MAN1A1: variants seen among roughly 807,000 people sequenced by gnomAD.
MAN1A1 encodes mannosyl-oligosaccharide 1,2-alpha-mannosidase IA.
MAN1A1 carries 29 observed loss-of-function variants against 70.8 expected under a neutral mutation model. The ratio of observed to expected loss-of-function variants is 0.41; its 90% confidence interval spans 0.31 to 0.56. MAN1A1 has a LOEUF of 0.56. Among genes scored for constraint, MAN1A1 ranks in the 20% least tolerant of loss-of-function variants. MAN1A1 has a pLI of 0.29. For missense variants in MAN1A1, 747 were observed against 841.3 expected (o/e 0.89, Z 1.39); for synonymous variants, 349 against 330.1 (o/e 1.06, Z -0.62).
intron 4 of MAN1A1, among the ~76,000 whole-genome samples, chr6:119,299,154 A>T (rs1373990375): frequency 2.0e-5 from 3 of 152,112 alleles, no homozygotes; most frequent in African/African-American, 7.2e-5. Context: ...ATGGGTGAAT[A>T]TAAGACAAAT....
intron 5 of MAN1A1, among the ~76,000 whole-genome samples, chr6:119,273,876 C>T (rs1305594032): frequency 6.6e-6 from 1 of 152,226 alleles, no homozygotes; most frequent in Admixed American, 6.5e-5. Flanking sequence ...TGGGTAAATG[C>T]TGATTCAGCA....
rs573074629 is a variant in MAN1A1, at chr6:119,312,781, T to C, written c.604-5789A>G. On this transcript the variant is annotated intron_variant, in intron 2 of 12. Transcript: ENST00000368468. Reference sequence around the variant, plus strand: ...ATTTTAACAAATGCACCACTGTGGGTTGAGGTGCTGAGACTGCGAGGTTGT... The same window carrying C: ...ATTTTAACAAATGCACCACTGTGGGCTGAGGTGCTGAGACTGCGAGGTTGT... 2.0e-4 allele frequency among the ~76,000 whole-genome samples: 30 copies of C among 152,272 alleles called. 1 individual carries two copies. The Middle Eastern group carries it at 0.02, about 104-fold the overall frequency.
chr6:119,195,187 G>GC (rs1773537273), intron 8 of MAN1A1, among the ~76,000 whole-genome samples: 1 of 152,062 alleles, frequency 6.6e-6, no homozygotes, highest in South Asian at 2.1e-4. Flanking sequence ...TGCCAGAATA[G>GC]CCCTCTTAAT....
chr6:119,195,285 G>T (rs183208428), intron 8 of MAN1A1, among the ~76,000 whole-genome samples: 1 of 152,154 alleles, frequency 6.6e-6, no homozygotes, highest in South Asian at 2.1e-4. Flanking sequence ...ATGCCATTCA[G>T]TCTTGCTCCA....
chr6:119,186,788 A>AG (rs1414232803), intron 11 of MAN1A1, among the ~76,000 whole-genome samples: 1 of 152,154 alleles, frequency 6.6e-6, no homozygotes, highest in East Asian at 1.9e-4. Context: ...GCATAACACC[A>AG]GGGGAAAAAC....
chr6:119,240,235 T>A (rs917861127), intron 6 of MAN1A1, among the ~76,000 whole-genome samples: 1 of 152,220 alleles, frequency 6.6e-6, no homozygotes, highest in African/African-American at 2.4e-5. Context: ...ATAAACTGCC[T>A]CTAAATTCTC....
intron 2 of MAN1A1, among the ~76,000 whole-genome samples, chr6:119,312,062 G>GT (rs1444236326): frequency 2.6e-5 from 4 of 152,160 alleles, no homozygotes; most frequent in African/African-American, 9.7e-5. Context: ...ACAGTCCGCT[G>GT]TTTGTCATGA....
intron 2 of MAN1A1, among the ~76,000 whole-genome samples, chr6:119,311,564 A>G (rs537359266): frequency 1.3e-5 from 2 of 152,252 alleles, no homozygotes; most frequent in East Asian, 1.9e-4. Flanking sequence ...GATCTGGGAA[A>G]AAGACAGGAC....
chr6:119,201,576 C>A (rs1365617375), intron 7 of MAN1A1, among the ~76,000 whole-genome samples: 4 of 152,126 alleles, frequency 2.6e-5, no homozygotes, highest in African/African-American at 9.7e-5. Flanking sequence ...AGTGGATAAA[C>A]AAAGTCACCA....
intron 2 of MAN1A1, among the ~76,000 whole-genome samples, chr6:119,319,160 A>ACATATAG (rs1379110934): frequency 6.6e-6 from 1 of 152,096 alleles, no homozygotes; most frequent in Admixed American, 6.6e-5. Flanking sequence ...ATACAGTACC[A>ACATATAG]TCTTTAAGGC....
At chr6:119,182,915 C>T (rs568367922) in intron 11 of MAN1A1, among the ~76,000 whole-genome samples, 2 of 151,708 alleles carry the variant, frequency 1.3e-5, no homozygotes, top group African/African-American at 4.8e-5. Flanking sequence ...ATCCAACTAC[C>T]AAGAAGATGG....
At chr6:119,273,670 A>G (rs1469317245) in intron 5 of MAN1A1, among the ~76,000 whole-genome samples, 1 of 152,200 alleles carries the variant, frequency 6.6e-6, no homozygotes, top group African/African-American at 2.4e-5. Context: ...TCATATATAC[A>G]GCACTTGTTT....
intron 5 of MAN1A1, among the ~76,000 whole-genome samples, chr6:119,260,925 G>A (rs1775589675): frequency 6.8e-6 from 1 of 146,468 alleles, no homozygotes; most frequent in Non-Finnish European, 1.5e-5. Context: ...CATAATTTAT[G>A]TTGTCCATTG....
intron 4 of MAN1A1, among the ~76,000 whole-genome samples, chr6:119,294,014 A>C (rs1321246346): frequency 6.6e-6 from 1 of 152,064 alleles, no homozygotes; most frequent in Non-Finnish European, 1.5e-5. Flanking sequence ...TGTTGCCACT[A>C]CCACTGTGCA....
intron 2 of MAN1A1, among the ~76,000 whole-genome samples, chr6:119,340,612 C>T (rs1773571619): frequency 6.6e-6 from 1 of 152,206 alleles, no homozygotes; most frequent in Non-Finnish European, 1.5e-5. Context: ...CTAGCACAGA[C>T]AAACAGGCAC....
At chr6:119,250,991 G>C (rs1775302891) in intron 5 of MAN1A1, among the ~76,000 whole-genome samples, 1 of 152,056 alleles carries the variant, frequency 6.6e-6, no homozygotes, top group South Asian at 2.1e-4. Context: ...TTTGATTTTT[G>C]ATTTACCGCC....
intron 2 of MAN1A1, among the ~76,000 whole-genome samples, chr6:119,321,841 A>T (rs1436527206): frequency 1.3e-5 from 2 of 151,308 alleles, no homozygotes; most frequent in Non-Finnish European, 2.9e-5. Flanking sequence ...CTGGTCTTGA[A>T]CTCCTAACCT....
chr6:119,233,231 T>A (rs1285472526), intron 6 of MAN1A1, among the ~76,000 whole-genome samples: 2 of 152,206 alleles, frequency 1.3e-5, no homozygotes, highest in Non-Finnish European at 2.9e-5. Flanking sequence ...TTAAGTACTT[T>A]CCAAGCGATT....
In MAN1A1 at chr6:119,349,648, T is replaced by C. The variant is rs1773847567; in HGVS notation, c.-329A>G. The C allele has an allele frequency of 1.0e-6, 1 of 985,892 alleles. No homozygotes were observed. Among genetic ancestry groups the C allele is most frequent in the Non-Finnish European group, 1.2e-6 (1 of 830,018 alleles). 61.1% of individuals were successfully genotyped at this position (985,892 alleles called of 1,614,324 possible). A position where few individuals can be genotyped will look rare whatever the true frequency, so the allele number is the denominator to read the frequency against. On this transcript the variant is annotated 5_prime_UTR_variant, in exon 1 of 13. Transcript: ENST00000368468. ...CTTTCCTAGGCTGGGCTGAGCGCGCTGTCCCACGGTCCCGCAGCCCCGGCG... is the reference window on the plus strand; with the variant it reads ...CTTTCCTAGGCTGGGCTGAGCGCGCCGTCCCACGGTCCCGCAGCCCCGGCG...
Sources: gnomAD v4.1 joint callset for allele counts (sites outside exome capture counted in the v4.1 genomes callset) on GRCh38, gnomAD v4.1.1 for gene constraint, MANE v1.5 for transcripts, NCBI Gene and HGNC (gene_info 2026-07-23, HGNC 2026-07-21) for gene names.